ZNF473: variants seen among roughly 807,000 people sequenced by gnomAD.
The protein encoded by ZNF473 is zinc finger protein 100 homolog.
Under a neutral mutation model 11.1 loss-of-function variants are expected in ZNF473, and 4 were observed. The ratio of observed to expected loss-of-function variants is 0.36; its 90% confidence interval spans 0.18 to 0.82. ZNF473 has a LOEUF of 0.82. ZNF473 is among the 40% of genes least tolerant of loss of function. The pLI is 0.49. For synonymous variants in ZNF473, 404 were observed against 390.4 expected (o/e 1.03, Z -0.41); for missense variants, 854 against 1,084.0 (o/e 0.79, Z 2.98).
rs1325827905 is a variant in ZNF473, at chr19:50,046,566, G to A, written c.2123G>A (p.Gly708Glu). 1.2e-6 allele frequency: 2 copies of A among 1,614,094 alleles called. No individual in the cohort carries two copies. Among genetic ancestry groups the A allele is most frequent in the South Asian group, 2.2e-5 (2 of 91,084 alleles). The change falls in exon 5 of 5, where the codon GGG becomes GAG. Residue 708 changes from glycine (G) to glutamate (E), a missense_variant. Transcript: ENST00000270617. This position sits in a 1 kb window ranked among gnomAD's most constrained non-coding sequence, Gnocchi z 5.9. ...AAGCCGTTGGTGTGTAACGAATGCG[G>A]GAAAACGTTCCGTCAGAGCTCATGC... ...RKKPLVCNEC[G>E]KTFRQSSCLS...
chr19:50,045,360 A>G lies in ZNF473; in HGVS notation c.917A>G (p.Gln306Arg), dbSNP rs766843047. ...GACCACCCACCCAGTCATGACACAC[A>G]GCCTGGTGAGCATCAGAAAACTCAC... The part of the protein sequence containing the change: ...DSDHPPSHDT[Q>R]PGEHQKTHTD... The change falls in exon 5 of 5, where the codon CAG (glutamine) becomes CGG (arginine). Residue 306 changes from glutamine to arginine, a missense_variant. Transcript: ENST00000270617. 2 of 1,614,200 alleles carry G rather than the reference A, an allele frequency of 1.2e-6. No individual in the cohort carries two copies. Among genetic ancestry groups the G allele is most frequent in the South Asian group, 1.1e-5 (1 of 91,084 alleles).
At position 50,046,183 on chromosome 19, in the gene ZNF473, C is replaced by A; in HGVS notation, c.1740C>A (p.His580Gln). Residue 580 changes from histidine to glutamine, a missense_variant, in exon 5 of 5, where the codon CAC becomes CAA. Physicochemically the swap from His to Gln is conservative, Grantham distance 24. Coordinates refer to ENST00000270617, the MANE Select transcript of ZNF473 (RefSeq NM_015428.4). This position sits in a 1 kb window ranked among gnomAD's most constrained non-coding sequence, Gnocchi z 5.9. ...GCTGCAGCAAATACCTAACTCAGCA[C>A]GAGAGGATTCACACCAGGGGAGTGA... Reference protein sequence around the residue: ...TFSCSKYLTQHERIHTRGVKP... With the variant: ...TFSCSKYLTQQERIHTRGVKP... The A allele has an allele frequency of 6.2e-7, 1 of 1,614,148 alleles. No homozygotes were observed. Among genetic ancestry groups the A allele is most frequent in the East Asian group, 2.2e-5 (1 of 44,882 alleles).
In ZNF473 at chr19:50,045,866, A is replaced by G. The variant is rs752986863; in HGVS notation, c.1423A>G (p.Met475Val). The part of the protein sequence containing the change: ...VRSFSRPSHL[M>V]RHQAIHTAEK... ...GAGTTTCAGCCGGCCCTCACATCTG[A>G]TGCGACATCAGGCCATTCACACCGC... Residue 475 changes from methionine (M) to valine (V), a missense_variant, in exon 5 of 5, where the codon ATG becomes GTG. Transcript: ENST00000270617. 1 of 1,614,124 alleles carries G rather than the reference A, an allele frequency of 6.2e-7. No individual in the cohort carries two copies. Among genetic ancestry groups the G allele is most frequent in the African/African-American group, 1.3e-5 (1 of 75,026 alleles).
intron 4 of ZNF473, 57 bp downstream of exon 4, chr19:50,041,876 G>C: frequency 7.1e-7 from 1 of 1,418,384 alleles, no homozygotes; most frequent in South Asian, 1.3e-5. Context: ...CCTCCATCCT[G>C]AGGCTGCAGC....
chr19:50,037,952 G>A (rs1249025390), intron 2 of ZNF473, among the ~76,000 whole-genome samples: 1 of 150,860 alleles, frequency 6.6e-6, no homozygotes, highest in Non-Finnish European at 1.5e-5. Context: ...GGAGAGTCAA[G>A]CATTTACCCT....
chr19:50,041,708 C>G, intron 3 of ZNF473, 22 bp from the exon 4 acceptor site: 1 of 1,584,638 alleles, frequency 6.3e-7, no homozygotes, highest in Non-Finnish European at 8.6e-7. Flanking sequence ...GGTTGGGTGA[C>G]AATGCTTTTC....
rs543301063 is a variant in ZNF473 at position 50,026,036 on chromosome 19, C to G, written c.-278C>G. 2 of 152,732 alleles carry G rather than the reference C, an allele frequency of 1.3e-5. No individual in the cohort carries two copies. The highest frequency in any genetic ancestry group is 4.8e-5 in the African/African-American group (2 of 41,566). The allele number at this position is 152,732 out of a possible 1,614,324, so 9.5% of individuals were successfully genotyped here. A position where few individuals can be genotyped will look rare whatever the true frequency, so the allele number is the denominator to read the frequency against. ...GCTTCTCGCGCACAGGAAGTCGCTGCGAGGAGGCGCGTGTGCGGGGAGTTG... is the reference window on the plus strand; with the variant it reads ...GCTTCTCGCGCACAGGAAGTCGCTGGGAGGAGGCGCGTGTGCGGGGAGTTG... On this transcript the variant is annotated 5_prime_UTR_variant, in exon 1 of 5. Transcript: ENST00000270617.
chr19:50,044,381 G>C (rs1978947675), intron 4 of ZNF473, among the ~76,000 whole-genome samples: 1 of 152,274 alleles, frequency 6.6e-6, no homozygotes, highest in Admixed American at 6.5e-5. Flanking sequence ...GGATAGAGTG[G>C]AGAGTAGAAG....
chr19:50,041,882 G>A, intron 4 of ZNF473, 63 bp downstream of exon 4: 2 of 1,365,332 alleles, frequency 1.5e-6, no homozygotes, highest in Non-Finnish European at 2.0e-6. Flanking sequence ...TCCTGAGGCT[G>A]CAGCCAGCTT....
chr19:50,033,507 G>A (rs2077328204), intron 2 of ZNF473, among the ~76,000 whole-genome samples: 1 of 152,162 alleles, frequency 6.6e-6, no homozygotes, highest in Admixed American at 6.5e-5. Context: ...AGCGGAAACA[G>A]GATCCCCCTT....
At chr19:50,038,833 A>G (rs1234310703) in intron 2 of ZNF473, among the ~76,000 whole-genome samples, 1 of 152,224 alleles carries the variant, frequency 6.6e-6, no homozygotes, top group East Asian at 1.9e-4. Context: ...ACTTGTATGT[A>G]TGTTTGAAAG....
At chr19:50,032,054 G>A (rs2077321208) in intron 2 of ZNF473, among the ~76,000 whole-genome samples, 1 of 151,530 alleles carries the variant, frequency 6.6e-6, no homozygotes, top group Non-Finnish European at 1.5e-5. Flanking sequence ...CATGTCCCCA[G>A]TGCCCACAAT....
chr19:50,033,181 C>A (rs2077326454), intron 2 of ZNF473, among the ~76,000 whole-genome samples: 1 of 152,040 alleles, frequency 6.6e-6, no homozygotes. Flanking sequence ...GATAGGGAGG[C>A]CCAGGGTAGA....
chr19:50,044,058 G>A (rs181013017), intron 4 of ZNF473, among the ~76,000 whole-genome samples: 1 of 152,252 alleles, frequency 6.6e-6, no homozygotes, highest in Admixed American at 6.5e-5. Flanking sequence ...GAGTGATATA[G>A]TCAGATCCAT....
intron 4 of ZNF473, among the ~76,000 whole-genome samples, chr19:50,042,998 T>C (rs1403514085): frequency 6.6e-6 from 1 of 152,084 alleles, no homozygotes; most frequent in Non-Finnish European, 1.5e-5. Flanking sequence ...GATACTCAGA[T>C]GGTGAGCCAA....
At chr19:50,026,702 G>C (rs938492289) in intron 1 of ZNF473, among the ~76,000 whole-genome samples, 1 of 151,958 alleles carries the variant, frequency 6.6e-6, no homozygotes, top group Non-Finnish European at 1.5e-5. Flanking sequence ...TTAGCCGGGC[G>C]TGGTGGTGCG....
intron 1 of ZNF473, among the ~76,000 whole-genome samples, chr19:50,028,851 T>A (rs1050942058): frequency 1.3e-5 from 2 of 152,228 alleles, no homozygotes; most frequent in Non-Finnish European, 2.9e-5. Context: ...TACTCGTAGG[T>A]TGAGGCTTAA....
At chr19:50,032,557 TGTTGTAA>T in intron 2 of ZNF473, among the ~76,000 whole-genome samples, 1 of 152,290 alleles carries the variant, frequency 6.6e-6, no homozygotes, top group East Asian at 1.9e-4. Flanking sequence ...GAGTGGGCTT[TGTTGTAA>T]GTCTGGACTA....
In ZNF473 at chr19:50,039,251, A is replaced by G; in HGVS notation, c.100A>G (p.Thr34Ala). The G allele has an allele frequency of 3.1e-6, 5 of 1,614,180 alleles. No homozygotes were observed. Among genetic ancestry groups the G allele is most frequent in the Non-Finnish European group, 4.2e-6 (5 of 1,180,014 alleles). Reference sequence around the variant, plus strand: ...GGAACAGGGGGACACGTTCTGGGACACAGCGTTGGACAATTGCCAGGACCT... The same window carrying G: ...GGAACAGGGGGACACGTTCTGGGACGCAGCGTTGGACAATTGCCAGGACCT... ...GLEQGDTFWD[T>A]ALDNCQDLFL... Residue 34 changes from threonine (T) to alanine (A), a missense_variant, in exon 3 of 5, where the codon ACA becomes GCA. Thr to Ala is a moderately conservative substitution (Grantham distance 58, BLOSUM62 0). Transcript: ENST00000270617. This position sits in a 1 kb window ranked among gnomAD's most constrained non-coding sequence, Gnocchi z 4.8.
Sources: gnomAD v4.1 joint callset for allele counts (sites outside exome capture counted in the v4.1 genomes callset) on GRCh38, gnomAD v4.1.1 for gene constraint, Gnocchi (gnomAD v3.1) non-coding constraint, MANE v1.5 for transcripts, NCBI Gene and HGNC (gene_info 2026-07-23, HGNC 2026-07-21) for gene names.